TRIM37: variants seen among roughly 807,000 people sequenced by gnomAD.
TRIM37 encodes tripartite motif containing 37, also known as E3 ubiquitin-protein ligase TRIM37.
TRIM37 carries 80 observed loss-of-function variants against 129.8 expected under a neutral mutation model. That is an observed-to-expected ratio of 0.62 (90% CI 0.51 to 0.74). The LOEUF is 0.74. TRIM37 is among the 30% of genes least tolerant of loss of function. The pLI is 0.00. For synonymous variants in TRIM37, 389 were observed against 387.1 expected (o/e 1.00, Z -0.06); for missense variants, 1,054 against 1,176.5 (o/e 0.90, Z 1.52).
intron 19 of TRIM37, among the ~76,000 whole-genome samples, chr17:59,021,543 C>T (rs1242340106): frequency 6.6e-6 from 1 of 152,180 alleles, no homozygotes; most frequent in Non-Finnish European, 1.5e-5. Context: ...AGACAAACTT[C>T]ACACATTCTC....
intron 2 of TRIM37, among the ~76,000 whole-genome samples, chr17:59,099,436 G>A (rs1378948398): frequency 6.6e-6 from 1 of 151,330 alleles, no homozygotes; most frequent in African/African-American, 2.4e-5. Context: ...TTGGGGTGAT[G>A]AAAGATTTTG....
At chr17:59,088,974 G>GCTGTA (rs1307509209) in intron 3 of TRIM37, among the ~76,000 whole-genome samples, 1 of 152,128 alleles carries the variant, frequency 6.6e-6, no homozygotes, top group Non-Finnish European at 1.5e-5. Context: ...TGAGTCTAAA[G>GCTGTA]CTGTACTGTT....
intron 24 of TRIM37, among the ~76,000 whole-genome samples, chr17:58,991,720 T>G (rs1797720210): frequency 6.6e-6 from 1 of 152,070 alleles, no homozygotes; most frequent in African/African-American, 2.4e-5. Flanking sequence ...GTTAGCTCAG[T>G]TGGTTAGAAG....
At chr17:59,066,882 G>C (rs1220929387) in intron 9 of TRIM37, among the ~76,000 whole-genome samples, 1 of 152,098 alleles carries the variant, frequency 6.6e-6, no homozygotes, top group Non-Finnish European at 1.5e-5. Context: ...CTTAATGCTA[G>C]CACTTAACAC....
intron 2 of TRIM37, among the ~76,000 whole-genome samples, chr17:59,094,413 G>T (rs534574689): frequency 6.6e-6 from 1 of 152,114 alleles, no homozygotes; most frequent in African/African-American, 2.4e-5. Context: ...TCATTAAACT[G>T]GAAGAATCAC....
At chr17:59,066,133 T>C (rs899423847) in intron 9 of TRIM37, among the ~76,000 whole-genome samples, 2 of 152,208 alleles carry the variant, frequency 1.3e-5, no homozygotes, top group Admixed American at 6.5e-5. Flanking sequence ...TATGATCTCC[T>C]AGCACTCAAC....
chr17:59,046,095 T>C (rs898942234), intron 16 of TRIM37, among the ~76,000 whole-genome samples: 3 of 152,074 alleles, frequency 2.0e-5, no homozygotes, highest in Non-Finnish European at 4.4e-5. Context: ...CTTCCTTAAA[T>C]TGCAACTAAT....
chr17:59,024,210 G>A (rs1266479474), intron 19 of TRIM37, among the ~76,000 whole-genome samples: 21 of 67,126 alleles, frequency 3.1e-4, no homozygotes, highest in Admixed American at 2.7e-3. Flanking sequence ...GTGAAATTCC[G>A]TATCAAAAAA....
intron 17 of TRIM37, among the ~76,000 whole-genome samples, chr17:59,034,898 C>T (rs2038290105): frequency 1.3e-5 from 2 of 152,224 alleles, no homozygotes; most frequent in Admixed American, 1.3e-4. Context: ...CAAAAATAAC[C>T]TTCATCCTAA....
At chr17:59,049,854 TG>T (rs2040175170) in intron 14 of TRIM37, among the ~76,000 whole-genome samples, 2 of 152,166 alleles carry the variant, frequency 1.3e-5, no homozygotes, top group African/African-American at 4.8e-5. Flanking sequence ...AAAAAAAAAT[TG>T]ATGACAAAGA....
chr17:59,074,642 T>C (rs147823276), intron 8 of TRIM37, among the ~76,000 whole-genome samples: 7 of 152,200 alleles, frequency 4.6e-5, no homozygotes, highest in South Asian at 2.1e-4. Context: ...GTGGAAACCA[T>C]AGGAATCAGG....
In TRIM37 at chr17:59,001,693, A is replaced by G; in HGVS notation, c.2717T>C (p.Ile906Thr). 6.2e-7 allele frequency: 1 copy of G among 1,613,972 alleles called. No individual in the cohort carries two copies. Residue 906 changes from isoleucine (I) to threonine (T), a missense_variant, in exon 23 of 24, where the codon ATT becomes ACT. Ile to Thr is a moderately conservative substitution (Grantham distance 89). Around this residue, in one of 3 missense-constraint regions of TRIM37, gnomAD observed 287 missense variants for 274.3 expected, o/e 1.05. Transcript: ENST00000262294. ...PEEGMSSDSD[I>T]ECDTENEEQE... ...CTCCTCATTCTCAGTGTCACATTCAATGTCACTGTCGCTACTCATTCCTGG... is the reference window on the plus strand; with the variant it reads ...CTCCTCATTCTCAGTGTCACATTCAGTGTCACTGTCGCTACTCATTCCTGG...
intron 22 of TRIM37, 100 bp downstream of exon 22, chr17:59,012,228 C>A (rs1243373924): frequency 2.1e-5 from 12 of 574,926 alleles, no homozygotes; most frequent in Non-Finnish European, 3.6e-5. Flanking sequence ...GCAGCAGCAG[C>A]ACCACCACCA....
Position 58,999,041 on chromosome 17 carries a change from A to AG in TRIM37, c.*335dup. 1 of 1,138,428 alleles carries AG rather than the reference A, an allele frequency of 8.8e-7. No homozygotes were observed. Among genetic ancestry groups the AG allele is most frequent in the African/African-American group, 1.6e-5 (1 of 61,030 alleles). 70.5% of individuals were successfully genotyped at this position (1,138,428 alleles called of 1,614,324 possible). On this transcript the variant is annotated 3_prime_UTR_variant, in exon 24 of 24. Transcript: ENST00000262294. ...GCCGGGCGGGTTACTGACGGCATGC[A>AG]GGGCCTGGAGGTACATTTTCTGGCA...
At chr17:58,985,866 T>C (rs139873011) in intron 24 of TRIM37, among the ~76,000 whole-genome samples, 16 of 151,884 alleles carry the variant, frequency 1.1e-4, no homozygotes, top group South Asian at 8.3e-4. Flanking sequence ...AAATGAACAA[T>C]TGAGAAAAAA....
intron 9 of TRIM37, among the ~76,000 whole-genome samples, chr17:59,065,454 T>C (rs1915207251): frequency 6.6e-6 from 1 of 152,218 alleles, no homozygotes; most frequent in South Asian, 2.1e-4. Flanking sequence ...TCAAAACTAC[T>C]TCAAGCAACT....
intron 13 of TRIM37, among the ~76,000 whole-genome samples, chr17:59,055,330 C>A (rs2040740680): frequency 1.8e-5 from 1 of 56,470 alleles, no homozygotes; most frequent in Non-Finnish European, 2.9e-5. Context: ...GAAACTCTGT[C>A]TCAAAAAAAA....
At chr17:59,081,955 AAAAAAAAAAAAT>A (rs2043318998) in intron 5 of TRIM37, among the ~76,000 whole-genome samples, 14 of 117,564 alleles carry the variant, frequency 1.2e-4, no homozygotes, top group African/African-American at 4.2e-4. Context: ...AAAAAAAATA[AAAAAAAAAAAAT>A]AATAATAATA....
At chr17:58,981,028 A>C (rs775146078), downstream of TRIM37, 2 of 1,579,566 alleles carry the variant, frequency 1.3e-6, no homozygotes, top group South Asian at 1.2e-5. Context: ...ATAAAATAGA[A>C]TAATTTTTCT....
Sources: allele counts gnomAD v4.1 joint callset (sites outside exome capture counted in the v4.1 genomes callset), GRCh38; gene constraint gnomAD v4.1.1; regional missense constraint gnomAD v4.1.1; transcripts MANE v1.5; gene names NCBI Gene and HGNC (gene_info 2026-07-23, HGNC 2026-07-21).